Variants in PPP2R2C observed in about 807,000 individuals in gnomAD.
PPP2R2C encodes the protein protein phosphatase 2, regulatory subunit B, gamma.
In PPP2R2C, 10 loss-of-function variants were observed where a neutral mutation model predicts 45.3. The observed-to-expected ratio is 0.22, with a 90% CI of 0.14 to 0.37. The LOEUF (loss-of-function observed/expected upper bound fraction) is 0.37, where lower values mean the gene tolerates loss of function less well. Among genes scored for constraint, PPP2R2C ranks in the 10% least tolerant of loss-of-function variants. The pLI is 1.00. For synonymous variants in PPP2R2C, 257 were observed against 245.4 expected (o/e 1.05, Z -0.44); for missense variants, 308 against 619.7 (o/e 0.50, Z 5.34).
chr4:6,337,141 T>C (rs1315657920), intron 6 of PPP2R2C, among the ~76,000 whole-genome samples: 2 of 93,734 alleles, frequency 2.1e-5, no homozygotes, highest in African/African-American at 8.8e-5. Flanking sequence ...TATATATATA[T>C]ATATATATAT....
At chr4:6,370,728 G>T (rs1336964604) in intron 5 of PPP2R2C, among the ~76,000 whole-genome samples, 3 of 152,180 alleles carry the variant, frequency 2.0e-5, no homozygotes, top group Non-Finnish European at 1.5e-5. Context: ...AAGCCACCTG[G>T]CCCGCAGCTC....
chr4:6,547,385 A>G (rs767456822), intron 1 of PPP2R2C, among the ~76,000 whole-genome samples: 2 of 151,962 alleles, frequency 1.3e-5, no homozygotes, highest in Non-Finnish European at 2.9e-5. Context: ...AAGGTATGAT[A>G]AGGAAGCTAA....
At chr4:6,511,839 G>A (rs1375939319) in intron 2 of PPP2R2C, among the ~76,000 whole-genome samples, 1 of 80,110 alleles carries the variant, frequency 1.2e-5, no homozygotes, top group African/African-American at 4.8e-5. Flanking sequence ...TGGTGGTGAT[G>A]GTGGTGGTGG....
rs1459558404 is a variant in PPP2R2C, at chr4:6,330,158, C to T, written c.961-805G>A. ...AGGACCTGCATCCACCTGACTGCAG[C>T]CGGTCCTACAAGCCCTGTACCCGGA... On this transcript the variant is annotated intron_variant, in intron 7 of 8. Coordinates refer to ENST00000382599, the MANE Select transcript of PPP2R2C (RefSeq NM_020416.4). The surrounding 1 kb of genome is among the most constrained non-coding windows in gnomAD (Gnocchi z 7.0). Among the ~76,000 whole-genome samples the T allele has an allele frequency of 3.3e-5, 5 of 152,162 alleles. No homozygotes were observed. The highest frequency in any genetic ancestry group is 2.1e-4 in the South Asian group (1 of 4,810).
intron 1 of PPP2R2C, among the ~76,000 whole-genome samples, chr4:6,449,076 G>A (rs534405762): frequency 6.6e-6 from 1 of 152,222 alleles, no homozygotes; most frequent in African/African-American, 2.4e-5. Flanking sequence ...CAGAAGGAAG[G>A]GCTAAAAACA....
At chr4:6,352,108 C>T (rs1712618128) in intron 5 of PPP2R2C, among the ~76,000 whole-genome samples, 1 of 152,244 alleles carries the variant, frequency 6.6e-6, no homozygotes, top group Non-Finnish European at 1.5e-5. Context: ...ACCATGCCCT[C>T]CCCCGTGTGT....
At chr4:6,370,086 C>T (rs953640984) in intron 5 of PPP2R2C, among the ~76,000 whole-genome samples, 7 of 152,190 alleles carry the variant, frequency 4.6e-5, no homozygotes, top group African/African-American at 1.4e-4. Flanking sequence ...CACCCAAGTC[C>T]GGCAGGAAGG....
At chr4:6,398,323 GAATGAGAGAA>G (rs60594253) in intron 1 of PPP2R2C, among the ~76,000 whole-genome samples, 41,418 of 151,822 alleles carry the variant, frequency 0.27, 6,353 homozygotes, top group East Asian at 0.7. Context: ...GCAAGGCATG[GAATGAGAGAA>G]AATATTCGTA....
In PPP2R2C at chr4:6,337,313, T is replaced by C. The variant is rs60373513; in HGVS notation, c.791-3582A>G. 7.4e-3 allele frequency among the ~76,000 whole-genome samples: 1,115 copies of C among 151,244 alleles called. 8 individuals carry two copies. The highest frequency in any genetic ancestry group is 0.026 in the African/African-American group (1,080 of 41,216). ...CATTAGCAGTGGGTAGAGACTCATA[T>C]TTGGGAGAAGCAGGGAGAGGGCTTG... On this transcript the variant is annotated intron_variant, in intron 6 of 8. Transcript: ENST00000382599.
rs527340168 is a variant in PPP2R2C at position 6,533,276 on chromosome 4, C to T, written c.49+1995G>A. 1.2e-4 allele frequency among the ~76,000 whole-genome samples: 19 copies of T among 152,324 alleles called. No homozygotes were observed. The South Asian group carries it at 3.7e-3, about 30-fold the overall frequency. ...TAATACAAGTTGGTCACAGCCAAAT[C>T]CTCTTAGGCCCATGAGCATAATCTT... On this transcript the variant is annotated intron_variant, in intron 2 of 9. Transcript: ENST00000506140.
At chr4:6,479,150 G>A (rs1315348134) in intron 2 of PPP2R2C, among the ~76,000 whole-genome samples, 2 of 152,168 alleles carry the variant, frequency 1.3e-5, no homozygotes, top group Non-Finnish European at 2.9e-5. Flanking sequence ...CAGCTCCTAA[G>A]TGGCAATCCA....
At chr4:6,344,109 G>A (rs978084445) in intron 6 of PPP2R2C, among the ~76,000 whole-genome samples, 2 of 152,116 alleles carry the variant, frequency 1.3e-5, no homozygotes, top group Non-Finnish European at 2.9e-5. Context: ...CCCCAAGGTC[G>A]CCCAGGCACA....
chr4:6,450,491 T>C (rs1168170296), intron 1 of PPP2R2C, among the ~76,000 whole-genome samples: 2 of 152,150 alleles, frequency 1.3e-5, no homozygotes, highest in Admixed American at 6.5e-5. Context: ...AGAAGGAAGA[T>C]GAGCCGCATG....
intron 5 of PPP2R2C, among the ~76,000 whole-genome samples, chr4:6,369,925 T>C (rs938461627): frequency 1.3e-5 from 2 of 151,956 alleles, no homozygotes; most frequent in Non-Finnish European, 2.9e-5. Context: ...TAGAAAGGCG[T>C]GGGGAATGAA....
intron 2 of PPP2R2C, among the ~76,000 whole-genome samples, chr4:6,518,499 A>G (rs1231301713): frequency 1.3e-5 from 2 of 152,248 alleles, no homozygotes; most frequent in African/African-American, 4.8e-5. Flanking sequence ...TCAAAGGATA[A>G]TCAAGTAACA....
At chr4:6,355,434 G>C (rs974811549) in intron 5 of PPP2R2C, among the ~76,000 whole-genome samples, 2 of 151,862 alleles carry the variant, frequency 1.3e-5, no homozygotes, top group Non-Finnish European at 2.9e-5. Flanking sequence ...CGAGTTAGTG[G>C]GTGCAGCACA....
At chr4:6,546,790 G>A (rs758828232) in intron 1 of PPP2R2C, among the ~76,000 whole-genome samples, 11 of 152,250 alleles carry the variant, frequency 7.2e-5, no homozygotes, top group Non-Finnish European at 1.0e-4. Flanking sequence ...AACAGCGACA[G>A]ACTTAAATCA....
chr4:6,506,946 G>C (rs565564672), intron 2 of PPP2R2C, among the ~76,000 whole-genome samples: 22 of 152,290 alleles, frequency 1.4e-4, no homozygotes, highest in Admixed American at 7.8e-4. Context: ...AGCATCTTAA[G>C]AGCAAACTCA....
chr4:6,507,437 G>A (rs576908746), intron 2 of PPP2R2C, among the ~76,000 whole-genome samples: 1 of 152,356 alleles, frequency 6.6e-6, no homozygotes, highest in East Asian at 1.9e-4. Context: ...AACAGTCCGT[G>A]CAGTTTCCAC....
Sources: allele counts gnomAD v4.1 joint callset (sites outside exome capture counted in the v4.1 genomes callset), GRCh38; gene constraint gnomAD v4.1.1; non-coding constraint Gnocchi (gnomAD v3.1); transcripts MANE v1.5; gene names NCBI Gene and HGNC (gene_info 2026-07-23, HGNC 2026-07-21).